EPHA5: variants seen among roughly 807,000 people sequenced by gnomAD.
EPHA5 encodes EPH receptor A5, also known as ephrin type-A receptor 5.
A neutral mutation model predicts 105.0 loss-of-function variants in EPHA5; 60 were observed. That is an observed-to-expected ratio of 0.57 (90% CI 0.46 to 0.71). The LOEUF (loss-of-function observed/expected upper bound fraction) is 0.71. Ranked by LOEUF, EPHA5 falls within the 30% of genes least tolerant of loss-of-function variation. EPHA5 has a pLI of 0.00. For synonymous variants in EPHA5, 513 were observed against 449.1 expected, an observed-to-expected ratio of 1.14 and a Z score of -1.80; for missense variants, 1,218 against 1,274.7, an observed-to-expected ratio of 0.96 and a Z score of 0.68.
chr4:65,378,118 C>G (rs972807177), intron 8 of EPHA5, among the ~76,000 whole-genome samples: 1 of 151,862 alleles, frequency 6.6e-6, no homozygotes, highest in African/African-American at 2.4e-5. Context: ...TCCAATGGAT[C>G]TTTTCAAAGA....
intron 8 of EPHA5, 151 bp downstream of exon 8, chr4:65,404,223 T>C: frequency 3.2e-6 from 2 of 619,310 alleles, no homozygotes; most frequent in Non-Finnish European, 2.9e-6. Context: ...ATGAACAAGA[T>C]AAGGCTCAGG....
chr4:65,622,583 A>G (rs143076807), intron 2 of EPHA5, among the ~76,000 whole-genome samples: 246 of 152,256 alleles, frequency 1.6e-3, no homozygotes, highest in African/African-American at 5.1e-3. Flanking sequence ...AATTTGTTCA[A>G]TTTAATGGCT....
intron 3 of EPHA5, among the ~76,000 whole-genome samples, chr4:65,577,213 G>A (rs567884257): frequency 2.6e-5 from 4 of 151,904 alleles, no homozygotes; most frequent in Admixed American, 6.6e-5. Context: ...ATTTCTTTAC[G>A]GGTGCACTTT....
At chr4:65,579,538 C>T (rs1171936970) in intron 3 of EPHA5, among the ~76,000 whole-genome samples, 1 of 151,474 alleles carries the variant, frequency 6.6e-6, no homozygotes. Context: ...TGCTGCATAA[C>T]ATTTTCAAAA....
chr4:65,382,254 T>C (rs1577969942), intron 8 of EPHA5, among the ~76,000 whole-genome samples: 1 of 151,834 alleles, frequency 6.6e-6, no homozygotes, highest in African/African-American at 2.4e-5. Context: ...AGAAAAAAAC[T>C]TGAGGTGAGA....
At chr4:65,347,482 TC>T (rs1722333959) in intron 14 of EPHA5, among the ~76,000 whole-genome samples, 1 of 152,214 alleles carries the variant, frequency 6.6e-6, no homozygotes, top group South Asian at 2.1e-4. Context: ...AACAGAAGAT[TC>T]TTTCATAGTT....
At chr4:65,522,245 G>A (rs532460238) in intron 3 of EPHA5, among the ~76,000 whole-genome samples, 2 of 150,596 alleles carry the variant, frequency 1.3e-5, no homozygotes, top group East Asian at 3.9e-4. Context: ...TTCTTCCCTA[G>A]TCTGTTGAAT....
At chr4:65,519,121 T>C (rs1734412603) in intron 3 of EPHA5, among the ~76,000 whole-genome samples, 1 of 152,076 alleles carries the variant, frequency 6.6e-6, no homozygotes, top group Non-Finnish European at 1.5e-5. Flanking sequence ...TCCACCATGA[T>C]CAAGTGGGCT....
chr4:65,363,898 T>C (rs893303010), intron 11 of EPHA5, among the ~76,000 whole-genome samples: 2 of 151,604 alleles, frequency 1.3e-5, no homozygotes, highest in Non-Finnish European at 3.0e-5. Context: ...TTATTTCACA[T>C]ATTTCCACAC....
chr4:65,331,824 A>T (rs924835130), intron 16 of EPHA5, 149 bp downstream of exon 16: 23 of 1,352,012 alleles, frequency 1.7e-5, no homozygotes, highest in Non-Finnish European at 2.0e-5. Flanking sequence ...GCAGTTGTTA[A>T]CAATACAGGC....
intron 14 of EPHA5, among the ~76,000 whole-genome samples, chr4:65,341,558 G>T (rs1378270031): frequency 2.0e-5 from 3 of 149,688 alleles, no homozygotes; most frequent in Admixed American, 1.3e-4. Flanking sequence ...TAAATAAATA[G>T]ATATTTACAT....
At chr4:65,474,137 T>A (rs1326187676) in intron 5 of EPHA5, among the ~76,000 whole-genome samples, 3 of 151,962 alleles carry the variant, frequency 2.0e-5, no homozygotes, top group Non-Finnish European at 4.4e-5. Context: ...AACCTGCACA[T>A]TGTGCACATG....
intron 8 of EPHA5, among the ~76,000 whole-genome samples, chr4:65,392,759 T>A (rs554048847): frequency 1.3e-5 from 2 of 152,086 alleles, no homozygotes; most frequent in South Asian, 4.2e-4. Context: ...GATATTAAAG[T>A]TTTTCATTTT....
intron 3 of EPHA5, among the ~76,000 whole-genome samples, chr4:65,532,048 C>A (rs1342631217): frequency 6.6e-6 from 1 of 152,032 alleles, no homozygotes; most frequent in African/African-American, 2.4e-5. Context: ...TAAAAACTAT[C>A]TTATTGTGCC....
intron 5 of EPHA5, among the ~76,000 whole-genome samples, chr4:65,464,107 G>C (rs1728379954): frequency 6.6e-6 from 1 of 151,648 alleles, no homozygotes; most frequent in African/African-American, 2.4e-5. Flanking sequence ...AAAAACTGTA[G>C]TACCAGAGTA....
chr4:65,561,742 T>G (rs1166721845), intron 3 of EPHA5, among the ~76,000 whole-genome samples: 1 of 152,074 alleles, frequency 6.6e-6, no homozygotes, highest in African/African-American at 2.4e-5. Context: ...TATTGATCTG[T>G]GGTATATTTC....
In EPHA5 at chr4:65,331,909, T is replaced by C. The variant is rs1296605752; in HGVS notation, c.2945+64A>G. 13 of 1,545,558 alleles carry C rather than the reference T, an allele frequency of 8.4e-6. No individual in the cohort carries two copies. The East Asian group carries it at 2.1e-4, about 24-fold the overall frequency. ...ACTGATTTCCCTTACCTCATCCAGATTGGTTTTTGAACAATTTTTCTTGCC... is the reference window on the plus strand; with the variant it reads ...ACTGATTTCCCTTACCTCATCCAGACTGGTTTTTGAACAATTTTTCTTGCC... On this transcript the variant is annotated intron_variant, in intron 16 of 16. Transcript: ENST00000613740.
chr4:65,539,267 A>G (rs1736591691), intron 3 of EPHA5, among the ~76,000 whole-genome samples: 2 of 151,720 alleles, frequency 1.3e-5, no homozygotes, highest in Admixed American at 1.3e-4. Context: ...AAGACAAGCT[A>G]GAAGAAATTT....
At chr4:65,621,755 G>C (rs1294532510) in intron 2 of EPHA5, among the ~76,000 whole-genome samples, 1 of 152,092 alleles carries the variant, frequency 6.6e-6, no homozygotes, top group African/African-American at 2.4e-5. Flanking sequence ...TCTAGCAAGT[G>C]CTGTTTGTAT....
Sources: allele counts gnomAD v4.1 joint callset (sites outside exome capture counted in the v4.1 genomes callset), GRCh38; gene constraint gnomAD v4.1.1; transcripts MANE v1.5; gene names NCBI Gene and HGNC (gene_info 2026-07-23, HGNC 2026-07-21).